Variants in GRIN2A observed in about 807,000 individuals in gnomAD.
GRIN2A encodes glutamate ionotropic receptor NMDA type subunit 2A, also known as glutamate receptor ionotropic, NMDA 2A.
GRIN2A carries 22 observed loss-of-function variants against 113.4 expected under a neutral mutation model. The ratio of observed to expected loss-of-function variants is 0.19; its 90% confidence interval spans 0.14 to 0.28. GRIN2A has a LOEUF of 0.28. Among genes scored for constraint, GRIN2A ranks in the 10% least tolerant of loss-of-function variants. The pLI is 1.00. For synonymous variants in GRIN2A, 827 were observed against 738.4 expected, an observed-to-expected ratio of 1.12 and a Z score of -1.94; for missense variants, 1,502 against 1,887.0, an observed-to-expected ratio of 0.80 and a Z score of 3.78.
chr16:10,177,905 A>G (rs544866809), intron 2 of GRIN2A, among the ~76,000 whole-genome samples: 3 of 152,172 alleles, frequency 2.0e-5, no homozygotes, highest in Non-Finnish European at 4.4e-5. Flanking sequence ...AATGAGTCAC[A>G]TGACAGCCTG....
chr16:10,175,291 TAGAAAGAATGATGGAA>T (rs1474276323), intron 2 of GRIN2A, among the ~76,000 whole-genome samples: 1 of 152,036 alleles, frequency 6.6e-6, no homozygotes, highest in African/African-American at 2.4e-5. Flanking sequence ...AAGGAGAGAA[TAGAAAGAATGATGGAA>T]AGAAAGAATC....
chr16:10,078,504 A>G (rs926008389), intron 2 of GRIN2A, among the ~76,000 whole-genome samples: 1 of 151,800 alleles, frequency 6.6e-6, no homozygotes, highest in Non-Finnish European at 1.5e-5. Flanking sequence ...GCAAATTGAG[A>G]TGCAGGAGGG....
At chr16:10,137,273 T>C (rs929375108) in intron 2 of GRIN2A, among the ~76,000 whole-genome samples, 2 of 152,214 alleles carry the variant, frequency 1.3e-5, no homozygotes, top group Admixed American at 6.5e-5. Flanking sequence ...CCACCCTCAT[T>C]TAAAAGGAGA....
intron 2 of GRIN2A, among the ~76,000 whole-genome samples, chr16:10,047,149 G>C (rs769335463): frequency 6.6e-6 from 1 of 152,168 alleles, no homozygotes; most frequent in African/African-American, 2.4e-5. Flanking sequence ...GTACACCCTG[G>C]TGACATACAG....
intron 11 of GRIN2A, among the ~76,000 whole-genome samples, 170 bp downstream of exon 11, chr16:9,798,107 T>C (rs1054459181): frequency 1.3e-5 from 2 of 152,236 alleles, no homozygotes; most frequent in African/African-American, 4.8e-5. Flanking sequence ...CTAGAATTGC[T>C]TTCCATTATA....
chr16:10,050,497 C>T (rs967584537), intron 2 of GRIN2A, among the ~76,000 whole-genome samples: 5 of 151,980 alleles, frequency 3.3e-5, no homozygotes, highest in East Asian at 1.9e-4. Context: ...ACTGCACATA[C>T]GAGGGATCTA....
At chr16:9,814,857 T>TA (rs1324359292) in intron 10 of GRIN2A, among the ~76,000 whole-genome samples, 1 of 151,826 alleles carries the variant, frequency 6.6e-6, no homozygotes, top group Non-Finnish European at 1.5e-5. Flanking sequence ...CCATCTCTAC[T>TA]AAAAAATACA....
intron 11 of GRIN2A, among the ~76,000 whole-genome samples, chr16:9,793,018 C>G (rs747495552): frequency 6.6e-6 from 1 of 152,210 alleles, no homozygotes; most frequent in Non-Finnish European, 1.5e-5. Context: ...CCTAGACCCA[C>G]TGAAACAGTC....
chr16:9,806,950 A>G (rs2041982198), intron 10 of GRIN2A, among the ~76,000 whole-genome samples: 2 of 151,686 alleles, frequency 1.3e-5, no homozygotes, highest in Non-Finnish European at 2.9e-5. Context: ...AGTTTCCCCC[A>G]TAAGGTTCTT....
intron 10 of GRIN2A, among the ~76,000 whole-genome samples, chr16:9,810,110 A>G (rs1014742892): frequency 2.6e-5 from 4 of 152,156 alleles, no homozygotes; most frequent in African/African-American, 9.7e-5. Flanking sequence ...CTACCTAAAC[A>G]ACTGAGACCA....
intron 4 of GRIN2A, among the ~76,000 whole-genome samples, chr16:9,888,256 T>C (rs1183155240): frequency 6.6e-6 from 1 of 152,174 alleles, no homozygotes; most frequent in Non-Finnish European, 1.5e-5. Context: ...GCACAGTGGC[T>C]AACAGTGTCT....
intron 2 of GRIN2A, among the ~76,000 whole-genome samples, chr16:9,986,742 G>A (rs1421735356): frequency 2.8e-5 from 4 of 141,790 alleles, no homozygotes; most frequent in African/African-American, 1.1e-4. Context: ...TCCAACCCAG[G>A]CAACAGTGCA....
intron 3 of GRIN2A, among the ~76,000 whole-genome samples, chr16:9,916,028 C>T (rs147794513): frequency 6.6e-6 from 1 of 152,238 alleles, no homozygotes; most frequent in African/African-American, 2.4e-5. Context: ...TCTCATCTGC[C>T]AATTATTTGC....
intron 2 of GRIN2A, among the ~76,000 whole-genome samples, chr16:10,138,195 G>A (rs2049242686): frequency 1.3e-5 from 2 of 152,226 alleles, no homozygotes; most frequent in South Asian, 4.1e-4. Context: ...ATAAGTGTGT[G>A]AGATGGTTAA....
chr16:9,814,640 C>T (rs950166670), intron 10 of GRIN2A, among the ~76,000 whole-genome samples: 1 of 152,156 alleles, frequency 6.6e-6, no homozygotes, highest in Non-Finnish European at 1.5e-5. Context: ...TTAGTCACTA[C>T]AGAACTCCAT....
intron 5 of GRIN2A, among the ~76,000 whole-genome samples, chr16:9,841,765 G>A (rs931250631): frequency 6.6e-6 from 1 of 152,154 alleles, no homozygotes; most frequent in African/African-American, 2.4e-5. Flanking sequence ...TATGTGACAT[G>A]TAGTATAAAA....
At chr16:9,878,314 T>G (rs989943465) in intron 4 of GRIN2A, among the ~76,000 whole-genome samples, 2 of 152,206 alleles carry the variant, frequency 1.3e-5, no homozygotes, top group African/African-American at 4.8e-5. Flanking sequence ...ATTCAACCCA[T>G]GTTGCTTCCA....
chr16:10,095,199 G>A (rs747230627), intron 2 of GRIN2A, among the ~76,000 whole-genome samples: 3 of 151,988 alleles, frequency 2.0e-5, no homozygotes, highest in Non-Finnish European at 2.9e-5. Context: ...ACCCAACCAC[G>A]CCAGCTCCCT....
chr16:9,786,730 A>G (rs969779077), intron 11 of GRIN2A, among the ~76,000 whole-genome samples: 8 of 152,180 alleles, frequency 5.3e-5, no homozygotes, highest in African/African-American at 1.9e-4. Flanking sequence ...AATTGTACCA[A>G]TCTCAGATCT....
Sources: allele counts gnomAD v4.1 joint callset (sites outside exome capture counted in the v4.1 genomes callset), GRCh38; gene constraint gnomAD v4.1.1; transcripts MANE v1.5; gene names NCBI Gene and HGNC (gene_info 2026-07-23, HGNC 2026-07-21).